The following ANKRD13C variants were observed in gnomAD, a reference collection of about 807,000 sequenced individuals.
ANKRD13C encodes the protein ankyrin repeat domain 13C, also known as ankyrin repeat domain-containing protein 13C.
ANKRD13C carries 16 observed loss-of-function variants against 65.5 expected under a neutral mutation model. That is an observed-to-expected ratio of 0.24 (90% CI 0.17 to 0.37). The LOEUF (loss-of-function observed/expected upper bound fraction) is 0.37. Among genes scored for constraint, ANKRD13C ranks in the 10% least tolerant of loss-of-function variants. The pLI, the probability that ANKRD13C is intolerant of heterozygous loss-of-function variation, is 1.00. For missense variants in ANKRD13C, 503 were observed against 655.9 expected (o/e 0.77, Z 2.55); for synonymous variants, 235 against 238.7 (o/e 0.98, Z 0.14).
At chr1:70,296,082 TA>T (rs769748358) in intron 8 of ANKRD13C, 47 bp downstream of exon 8, 33 of 1,586,314 alleles carry the variant, frequency 2.1e-5, no homozygotes, top group Non-Finnish European at 2.4e-5. Flanking sequence ...TTGGAAATAT[TA>T]AATACCGAAC....
At chr1:70,290,772 G>T (rs879387640) in intron 9 of ANKRD13C, among the ~76,000 whole-genome samples, 3 of 151,928 alleles carry the variant, frequency 2.0e-5, no homozygotes, top group Non-Finnish European at 4.4e-5. Context: ...TGCCCAGGCT[G>T]GTTTCCACCT....
chr1:70,321,954 A>T (rs1261409703), intron 3 of ANKRD13C, among the ~76,000 whole-genome samples: 1 of 152,250 alleles, frequency 6.6e-6, no homozygotes, highest in Admixed American at 6.5e-5. Flanking sequence ...TTCAAAAAAC[A>T]TAAAATGTTA....
intron 8 of ANKRD13C, chr1:70,293,645 CAAAT>C (rs1429410427): frequency 2.6e-6 from 2 of 761,176 alleles, no homozygotes; most frequent in African/African-American, 3.8e-5. Context: ...AAAGTACAAA[CAAAT>C]AAGACTTTAA....
intron 8 of ANKRD13C, 74 bp downstream of exon 8, chr1:70,296,056 T>A: frequency 6.5e-7 from 1 of 1,533,560 alleles, no homozygotes; most frequent in Admixed American, 2.0e-5. Flanking sequence ...ACTTCTTGCA[T>A]TTCCATCACG....
intron 2 of ANKRD13C, among the ~76,000 whole-genome samples, chr1:70,329,084 G>C (rs1383435559): frequency 6.6e-6 from 1 of 152,070 alleles, no homozygotes; most frequent in African/African-American, 2.4e-5. Flanking sequence ...TGTGTTGTAA[G>C]TAAAGAGTAC....
chr1:70,336,660 C>A (rs1245592887), intron 1 of ANKRD13C, among the ~76,000 whole-genome samples: 3 of 152,130 alleles, frequency 2.0e-5, no homozygotes, highest in African/African-American at 7.2e-5. Context: ...TGTAGGCGAA[C>A]AAAAGCAACA....
intron 1 of ANKRD13C, among the ~76,000 whole-genome samples, chr1:70,344,348 C>T (rs1232906384): frequency 2.7e-5 from 4 of 150,862 alleles, no homozygotes; most frequent in African/African-American, 9.8e-5. Context: ...TGCCTGTGGT[C>T]CCATCTACTC....
chr1:70,312,915 A>G (rs1354454375), intron 5 of ANKRD13C, among the ~76,000 whole-genome samples: 1 of 152,176 alleles, frequency 6.6e-6, no homozygotes, highest in Non-Finnish European at 1.5e-5. Flanking sequence ...CTGCAAAAAA[A>G]TCTAGGGCAA....
At chr1:70,349,537 C>T (rs1200723753) in intron 1 of ANKRD13C, among the ~76,000 whole-genome samples, 1 of 151,796 alleles carries the variant, frequency 6.6e-6, no homozygotes, top group Non-Finnish European at 1.5e-5. Context: ...CAATATTTTA[C>T]CACAAAAGTA....
Position 70,354,704 on chromosome 1 carries a change from G to C in ANKRD13C, c.-296C>G, listed in dbSNP as rs758072835. 1.5e-5 allele frequency: 11 copies of C among 738,114 alleles called. No individual in the cohort carries two copies. Among genetic ancestry groups the C allele is most frequent in the Non-Finnish European group, 2.2e-5 (10 of 464,374 alleles). 45.7% of individuals were successfully genotyped at this position (738,114 alleles called of 1,614,324 possible). A position where few individuals can be genotyped will look rare whatever the true frequency, so the allele number is the denominator to read the frequency against. ...TGCCTTACACCGAAAAACAGGGCAC[G>C]GCCATCTTCCTCTTGCTCCTCTCGC... On this transcript the variant is annotated 5_prime_UTR_variant, in exon 1 of 13. Transcript: ENST00000370944.
chr1:70,313,841 T>G (rs1295970541), intron 4 of ANKRD13C, 51 bp from the exon 5 acceptor site: 5 of 1,376,300 alleles, frequency 3.6e-6, no homozygotes, highest in Non-Finnish European at 5.2e-6. Context: ...TTAAAAGTTC[T>G]TATGCTTTAA....
intron 3 of ANKRD13C, among the ~76,000 whole-genome samples, chr1:70,316,884 T>C (rs1196452973): frequency 6.6e-6 from 1 of 152,194 alleles, no homozygotes; most frequent in African/African-American, 2.4e-5. Flanking sequence ...TTCCTCCTGA[T>C]TCTAACACAT....
At chr1:70,350,890 G>A (rs1014980793) in intron 1 of ANKRD13C, among the ~76,000 whole-genome samples, 1 of 152,170 alleles carries the variant, frequency 6.6e-6, no homozygotes, top group African/African-American at 2.4e-5. Context: ...ACTTGGCACG[G>A]TGGCTCACGC....
chr1:70,332,702 G>A (rs779008226), intron 2 of ANKRD13C, among the ~76,000 whole-genome samples: 2 of 152,138 alleles, frequency 1.3e-5, no homozygotes, highest in Non-Finnish European at 2.9e-5. Flanking sequence ...CTGGCCTTAA[G>A]TGATCTGCCC....
intron 1 of ANKRD13C, among the ~76,000 whole-genome samples, chr1:70,337,999 T>C (rs1466327792): frequency 1.3e-5 from 2 of 152,042 alleles, no homozygotes; most frequent in East Asian, 3.9e-4. Context: ...CTGAGGAGGC[T>C]GAGGCAGGAG....
At chr1:70,275,887 G>A (rs1039458482) in intron 10 of ANKRD13C, among the ~76,000 whole-genome samples, 1 of 150,656 alleles carries the variant, frequency 6.6e-6, no homozygotes, top group Non-Finnish European at 1.5e-5. Context: ...CTTGAACCTG[G>A]GAGGCGGAGG....
chr1:70,324,791 T>C, intron 3 of ANKRD13C, 62 bp downstream of exon 3: 1 of 1,212,758 alleles, frequency 8.2e-7, no homozygotes, highest in South Asian at 1.7e-5. Flanking sequence ...TGAAGAATAT[T>C]TCAAATGCAT....
intron 8 of ANKRD13C, among the ~76,000 whole-genome samples, chr1:70,294,029 G>A (rs1161187580): frequency 6.6e-6 from 1 of 152,152 alleles, no homozygotes; most frequent in African/African-American, 2.4e-5. Flanking sequence ...TTAAGTTACA[G>A]TATATCCATC....
intron 2 of ANKRD13C, among the ~76,000 whole-genome samples, chr1:70,331,632 A>G (rs2101572484): frequency 6.6e-6 from 1 of 152,190 alleles, no homozygotes; most frequent in Admixed American, 6.5e-5. Flanking sequence ...ACCTGAGGTC[A>G]GGAGTTTGAG....
Sources: allele counts gnomAD v4.1 joint callset (sites outside exome capture counted in the v4.1 genomes callset), GRCh38; gene constraint gnomAD v4.1.1; transcripts MANE v1.5; gene names NCBI Gene and HGNC (gene_info 2026-07-23, HGNC 2026-07-21).